ADAMTS17: variants seen among roughly 807,000 people sequenced by gnomAD.
ADAMTS17 encodes ADAM metallopeptidase with thrombospondin type 1 motif 17.
A neutral mutation model predicts 141.5 loss-of-function variants in ADAMTS17; 113 were observed. That is an observed-to-expected ratio of 0.80 (90% confidence interval 0.69 to 0.93). The LOEUF (loss-of-function observed/expected upper bound fraction) is 0.93, where lower values mean the gene tolerates loss of function less well. Ranked by LOEUF, ADAMTS17 falls within the 40% of genes least tolerant of loss-of-function variation. The probability of loss-of-function intolerance (pLI) is 0.00; values close to 1 mark genes in which losing one functional copy is unlikely to be tolerated. For synonymous variants in ADAMTS17, 768 were observed against 630.6 expected (o/e 1.22, Z -3.27); for missense variants, 1,659 against 1,517.9 (o/e 1.09, Z -1.54).
Position 100,115,973 on chromosome 15 carries a change from C to A in ADAMTS17, c.1888+874G>T, listed in dbSNP as rs536001429. Among the ~76,000 whole-genome samples, 260 of 152,188 alleles carry A rather than the reference C, an allele frequency of 1.7e-3. 1 individual carries two copies. The highest frequency in any genetic ancestry group is 6.8e-3 in the Middle Eastern group (2 of 294). ...GCAGGTGCTTAGAGGTGTCCTGTAA[C>A]CTTATTCCCTCTCATCTTCTGCACA... On this transcript the variant is annotated intron_variant, in intron 13 of 21. Transcript: ENST00000268070.
intron 10 of ADAMTS17, among the ~76,000 whole-genome samples, chr15:100,147,178 G>A (rs976277950): frequency 6.6e-6 from 1 of 152,124 alleles, no homozygotes; most frequent in Non-Finnish European, 1.5e-5. Context: ...CTACCGAGAT[G>A]TGATGTCTCC....
chr15:100,259,690 G>T (rs1435754717), intron 6 of ADAMTS17, among the ~76,000 whole-genome samples: 1 of 152,242 alleles, frequency 6.6e-6, no homozygotes, highest in Non-Finnish European at 1.5e-5. Flanking sequence ...TGTAGAAGCA[G>T]CAAGTGTTCT....
chr15:100,206,118 G>GCGGCACCGTGAATGCAGCA (rs2041545833), intron 7 of ADAMTS17, among the ~76,000 whole-genome samples: 1 of 152,242 alleles, frequency 6.6e-6, no homozygotes, highest in Non-Finnish European at 1.5e-5. Context: ...GCAACGGCGG[G>GCGGCACCGTGAATGCAGCA]CGGCACCGTG....
At chr15:100,265,533 C>T (rs977151493) in intron 4 of ADAMTS17, among the ~76,000 whole-genome samples, 1 of 152,218 alleles carries the variant, frequency 6.6e-6, no homozygotes, top group African/African-American at 2.4e-5. Context: ...CTGCCGCCTG[C>T]AGCACACTAC....
At chr15:100,240,037 G>A (rs2042782330) in intron 7 of ADAMTS17, among the ~76,000 whole-genome samples, 1 of 152,174 alleles carries the variant, frequency 6.6e-6, no homozygotes, top group Non-Finnish European at 1.5e-5. Flanking sequence ...TCCAGGCTGT[G>A]CGGCAGATCA....
chr15:100,304,057 C>G (rs536182334), intron 3 of ADAMTS17, among the ~76,000 whole-genome samples: 1 of 152,290 alleles, frequency 6.6e-6, no homozygotes, highest in East Asian at 1.9e-4. Flanking sequence ...CTTCCCTATT[C>G]CCAATCTCTT....
chr15:100,216,259 T>C (rs1364765512), intron 7 of ADAMTS17, among the ~76,000 whole-genome samples: 3 of 152,252 alleles, frequency 2.0e-5, no homozygotes, highest in Non-Finnish European at 4.4e-5. Context: ...TGCAATTAGT[T>C]TGACCAAGTC....
At chr15:100,209,113 C>CAAAAAAAAAAAAAAAAAAAAA (rs60742726) in intron 7 of ADAMTS17, among the ~76,000 whole-genome samples, 2 of 96,962 alleles carry the variant, frequency 2.1e-5, no homozygotes, top group Non-Finnish European at 3.8e-5. Flanking sequence ...GCCAAGTTAG[C>CAAAAAAAAAAAAAAAAAAAAA]AAAAAAAAAA....
intron 18 of ADAMTS17, among the ~76,000 whole-genome samples, chr15:100,002,734 A>C (rs1469568677): frequency 6.6e-6 from 1 of 152,082 alleles, no homozygotes; most frequent in Non-Finnish European, 1.5e-5. Flanking sequence ...CTGTTTTCAC[A>C]TGGGAGATTC....
intron 13 of ADAMTS17, among the ~76,000 whole-genome samples, chr15:100,116,286 C>T (rs1269155689): frequency 6.6e-6 from 1 of 152,036 alleles, no homozygotes; most frequent in African/African-American, 2.4e-5. Context: ...CTTGCAGTGG[C>T]CCGATGGGGC....
rs147221283 is a variant in ADAMTS17 at position 100,232,025 on chromosome 15, A to C, written c.1075+22111T>G. ...TACTCTAGAACTCAACAGAGTAACA[A>C]AAATGAATCACGGCGACCTTGCCCC... is the stretch of plus-strand genomic sequence containing the variant. On this transcript the variant is annotated intron_variant, in intron 7 of 21. Transcript: ENST00000268070. 1.4e-3 allele frequency among the ~76,000 whole-genome samples: 220 copies of C among 152,356 alleles called. 1 individual carries two copies. The highest frequency in any genetic ancestry group is 3.9e-3 in the South Asian group (19 of 4,824).
chr15:100,067,750 CAA>C (rs1460723753), intron 15 of ADAMTS17, among the ~76,000 whole-genome samples: 1 of 151,810 alleles, frequency 6.6e-6, no homozygotes, highest in African/African-American at 2.4e-5. Context: ...TTAATTTGTA[CAA>C]AAAATGCAAC....
At chr15:100,240,868 C>A (rs533528349) in intron 7 of ADAMTS17, among the ~76,000 whole-genome samples, 1 of 152,150 alleles carries the variant, frequency 6.6e-6, no homozygotes, top group African/African-American at 2.4e-5. Context: ...CTCTGTTGCC[C>A]AAGCTGGAGT....
intron 10 of ADAMTS17, among the ~76,000 whole-genome samples, chr15:100,140,508 T>TATATATATATATATA (rs61080608): frequency 2.1e-5 from 3 of 139,710 alleles, no homozygotes; most frequent in African/African-American, 5.2e-5. Flanking sequence ...TATATATATA[T>TATATATATATATATA]CCAGTAAAGA....
chr15:100,332,047 A>G (rs1319121540), intron 2 of ADAMTS17, among the ~76,000 whole-genome samples: 1 of 152,172 alleles, frequency 6.6e-6, no homozygotes, highest in Non-Finnish European at 1.5e-5. Context: ...ATCAACTAAT[A>G]AGATCGCCTA....
intron 8 of ADAMTS17, among the ~76,000 whole-genome samples, chr15:100,194,894 T>C (rs374665461): frequency 7.2e-5 from 11 of 152,162 alleles, no homozygotes; most frequent in Admixed American, 5.2e-4. Flanking sequence ...CATCTTCCCA[T>C]GTGCAGGGGC....
intron 12 of ADAMTS17, among the ~76,000 whole-genome samples, chr15:100,121,852 C>T (rs1300579878): frequency 2.6e-5 from 4 of 152,134 alleles, no homozygotes; most frequent in Non-Finnish European, 4.4e-5. Context: ...TTCTCCTGTA[C>T]TCCAGTGGGT....
chr15:100,015,178 C>G (rs1351322330), intron 18 of ADAMTS17, among the ~76,000 whole-genome samples: 2 of 152,294 alleles, frequency 1.3e-5, no homozygotes, highest in East Asian at 3.9e-4. Flanking sequence ...ACGAGAATAG[C>G]TACCCCTGCT....
chr15:100,215,693 A>G (rs1173855171), intron 7 of ADAMTS17, among the ~76,000 whole-genome samples: 1 of 152,030 alleles, frequency 6.6e-6, no homozygotes, highest in Non-Finnish European at 1.5e-5. Flanking sequence ...TGTAAGGATG[A>G]TGCACAAGGC....
Sources: gnomAD v4.1 joint callset for allele counts (sites outside exome capture counted in the v4.1 genomes callset) on GRCh38, gnomAD v4.1.1 for gene constraint, MANE v1.5 for transcripts, NCBI Gene and HGNC (gene_info 2026-07-23, HGNC 2026-07-21) for gene names.